Variants in CACNA1C observed in about 807,000 individuals in gnomAD.
CACNA1C encodes voltage-dependent L-type calcium channel subunit alpha-1C.
In CACNA1C, 30 loss-of-function variants were observed where a neutral mutation model predicts 229.0. That is an observed-to-expected ratio of 0.13 (90% CI 0.10 to 0.18). The LOEUF (loss-of-function observed/expected upper bound fraction) is 0.18, where lower values mean the gene tolerates loss of function less well. Ranked by LOEUF, CACNA1C falls within the 10% of genes least tolerant of loss-of-function variation. The pLI is 1.00. For synonymous variants in CACNA1C, 1,114 were observed against 1,132.5 expected (o/e 0.98, Z 0.33); for missense variants, 1,658 against 2,845.0 (o/e 0.58, Z 9.49).
At chr12:2,293,698 A>G (rs1291341486) in intron 3 of CACNA1C, among the ~76,000 whole-genome samples, 1 of 152,236 alleles carries the variant, frequency 6.6e-6, no homozygotes, top group East Asian at 1.9e-4. Flanking sequence ...AGCCTTCCAC[A>G]GTTTGACCTT....
rs181961040 is a variant in CACNA1C, at chr12:1,975,784, A to G, written c.139+4583A>G. Among the ~76,000 whole-genome samples, 402 of 152,280 alleles carry G rather than the reference A, an allele frequency of 2.6e-3. 3 individuals are homozygous for G. The highest frequency in any genetic ancestry group is 8.4e-3 in the African/African-American group (351 of 41,580). On this transcript the variant is annotated intron_variant, in intron 1 of 46. Coordinates refer to the CACNA1C transcript ENST00000682462. Reference sequence around the variant, plus strand: ...AAATCACCATATATGACTTTGCCACATGGGTTTTTCCTCACCTCAGCATGT... The same window carrying G: ...AAATCACCATATATGACTTTGCCACGTGGGTTTTTCCTCACCTCAGCATGT...
At position 2,632,310 on chromosome 12, in the gene CACNA1C, C is replaced by T. The variant is rs938285451; in HGVS notation, c.3829-1987C>T. The stretch of plus-strand genomic sequence containing the variant: ...GCTGGGGGTGTATGGGGACTATGAC[C>T]GCCTGTAGCTGGGGGTGTATGGGGA... On this transcript the variant is annotated intron_variant, in intron 29 of 46. Transcript: ENST00000399655. The surrounding 1 kb of genome is among the most constrained non-coding windows in gnomAD (Gnocchi z 4.1). Among the ~76,000 whole-genome samples, 70 of 151,758 alleles carry T rather than the reference C, an allele frequency of 4.6e-4. No homozygotes were observed. The highest frequency in any genetic ancestry group is 1.4e-3 in the African/African-American group (58 of 41,312).
At chr12:2,224,133 T>C (rs1008596915) in intron 3 of CACNA1C, among the ~76,000 whole-genome samples, 1 of 152,214 alleles carries the variant, frequency 6.6e-6, no homozygotes, top group African/African-American at 2.4e-5. Context: ...TGCCTGCTGA[T>C]TGGTTCCTGC....
At position 2,285,874 on chromosome 12, in the gene CACNA1C, C is replaced by T. The variant is rs1233639833; in HGVS notation, c.478-163102C>T. Reference sequence around the variant, plus strand: ...TACCACATGGATGGTAAAGTTCAGCCGTTTTCCACTGAAGATAGGGATTCT... The same window carrying T: ...TACCACATGGATGGTAAAGTTCAGCTGTTTTCCACTGAAGATAGGGATTCT... On this transcript the variant is annotated intron_variant, in intron 3 of 46. Coordinates refer to ENST00000399655, the MANE Select transcript of CACNA1C (RefSeq NM_000719.7). This position sits in a 1 kb window ranked among gnomAD's most constrained non-coding sequence, Gnocchi z 4.2. Among the ~76,000 whole-genome samples the T allele has an allele frequency of 5.3e-5, 8 of 152,132 alleles. No homozygotes were observed. The highest frequency in any genetic ancestry group is 1.2e-4 in the Non-Finnish European group (8 of 68,022).
chr12:2,572,043 T>C (rs986913850), intron 13 of CACNA1C, among the ~76,000 whole-genome samples: 1 of 150,948 alleles, frequency 6.6e-6, no homozygotes, highest in South Asian at 2.1e-4. Context: ...TTCTCTTTTT[T>C]TTTTTTTTTT....
intron 1 of CACNA1C, among the ~76,000 whole-genome samples, chr12:2,018,678 A>T (rs936862561): frequency 6.6e-6 from 1 of 152,244 alleles, no homozygotes; most frequent in Non-Finnish European, 1.5e-5. Context: ...CTTAATAAGC[A>T]CAACTCAACT....
At chr12:2,366,988 C>T (rs896247940) in intron 3 of CACNA1C, among the ~76,000 whole-genome samples, 5 of 152,112 alleles carry the variant, frequency 3.3e-5, no homozygotes, top group African/African-American at 9.7e-5. Flanking sequence ...AGGGGAAGTC[C>T]GCCCCATGAT....
chr12:2,456,074 C>T (rs1001642818), intron 4 of CACNA1C, among the ~76,000 whole-genome samples: 1 of 152,226 alleles, frequency 6.6e-6, no homozygotes, highest in Admixed American at 6.5e-5. Flanking sequence ...AGCAACAACT[C>T]AAACTTCAAG....
At chr12:2,525,874 A>T (rs539850309) in intron 9 of CACNA1C, among the ~76,000 whole-genome samples, 1 of 152,320 alleles carries the variant, frequency 6.6e-6, no homozygotes, top group East Asian at 1.9e-4. Context: ...CTGAACTGTT[A>T]ATCACCGTGA....
chr12:2,220,725 A>G (rs951109638), intron 3 of CACNA1C: 1 of 152,140 alleles, frequency 6.6e-6, no homozygotes, highest in Non-Finnish European at 1.5e-5. Context: ...TTAGCGCAAT[A>G]CTAAAATTAT....
At chr12:2,418,077 C>T (rs1055113577) in intron 3 of CACNA1C, among the ~76,000 whole-genome samples, 32 of 152,254 alleles carry the variant, frequency 2.1e-4, no homozygotes, top group African/African-American at 7.2e-4. Context: ...GATGAGGGAG[C>T]CGCTCCCTCT....
At chr12:2,556,470 C>T (rs1183337549) in intron 10 of CACNA1C, among the ~76,000 whole-genome samples, 1 of 152,316 alleles carries the variant, frequency 6.6e-6, no homozygotes, top group East Asian at 1.9e-4. Flanking sequence ...GCTGTTGTGG[C>T]CCCTCCATTT....
chr12:2,505,115 G>A (rs2099768687), intron 8 of CACNA1C, among the ~76,000 whole-genome samples, 170 bp downstream of exon 8: 1 of 152,062 alleles, frequency 6.6e-6, no homozygotes, highest in African/African-American at 2.4e-5. Context: ...GGTCAGATGT[G>A]CCACTGGTCT....
chr12:2,204,435 A>G (rs1337392971), intron 3 of CACNA1C, among the ~76,000 whole-genome samples: 1 of 151,780 alleles, frequency 6.6e-6, no homozygotes, highest in African/African-American at 2.4e-5. Flanking sequence ...CAGCCATCCC[A>G]TTACTGGATA....
chr12:2,647,623 C>G lies in CACNA1C; in HGVS notation c.3913-852C>G, dbSNP rs1035755268. Among the ~76,000 whole-genome samples the G allele has an allele frequency of 6.6e-6, 1 of 152,200 alleles. No individual in the cohort carries two copies. Among genetic ancestry groups the G allele is most frequent in the African/African-American group, 2.4e-5 (1 of 41,450 alleles). On this transcript the variant is annotated intron_variant, in intron 30 of 46. Coordinates refer to ENST00000399655, the MANE Select transcript of CACNA1C (RefSeq NM_000719.7). The surrounding 1 kb of genome is among the most constrained non-coding windows in gnomAD (Gnocchi z 4.2). ...AGCCCCATTATGGAGTGGGTTGAGG[C>G]CACCTCTGGAGGCCCTCCTCAGTGT...
At chr12:2,089,986 G>A (rs1473271796) in intron 1 of CACNA1C, among the ~76,000 whole-genome samples, 7 of 152,102 alleles carry the variant, frequency 4.6e-5, no homozygotes, top group East Asian at 3.9e-4. Flanking sequence ...CTGCGATCAT[G>A]CCATTGCACT....
At chr12:2,040,681 G>A (rs1244280512) in intron 1 of CACNA1C, among the ~76,000 whole-genome samples, 1 of 152,222 alleles carries the variant, frequency 6.6e-6, no homozygotes, top group Admixed American at 6.5e-5. Flanking sequence ...GGTTGGAATT[G>A]TGGTTAATGA....
rs1034576743 is a variant in CACNA1C, at chr12:2,653,443, G to A, written c.4075-392G>A. On this transcript the variant is annotated intron_variant, in intron 32 of 46. Coordinates refer to ENST00000399655, the MANE Select transcript of CACNA1C (RefSeq NM_000719.7). This position sits in a 1 kb window ranked among gnomAD's most constrained non-coding sequence, Gnocchi z 4.7. ...GATGGAATTAAGCTGTGTAAAGAAA[G>A]GGTGTAACTTGCCACCACCCCACTC... Among the ~76,000 whole-genome samples the A allele has an allele frequency of 2.6e-5, 4 of 152,162 alleles. No individual in the cohort carries two copies. The highest frequency in any genetic ancestry group is 6.5e-5 in the Admixed American group (1 of 15,272).
At position 2,546,236 on chromosome 12, in the gene CACNA1C, G is replaced by T. The variant is rs577503207; in HGVS notation, c.1391-3707G>T. 3.3e-4 allele frequency among the ~76,000 whole-genome samples: 50 copies of T among 152,250 alleles called. No individual in the cohort carries two copies. In the South Asian group the frequency reaches 0.01, roughly 31 times the overall value. ...TGGTGTCTTCACACTATTCTGTGCA[G>T]TTGCTGGTGTCTTCATACTATTCTG... is the stretch of plus-strand genomic sequence containing the variant. On this transcript the variant is annotated intron_variant, in intron 9 of 46. Transcript: ENST00000399655.
Sources: gnomAD v4.1 joint callset for allele counts (sites outside exome capture counted in the v4.1 genomes callset) on GRCh38, gnomAD v4.1.1 for gene constraint, Gnocchi (gnomAD v3.1) non-coding constraint, MANE v1.5 for transcripts, NCBI Gene and HGNC (gene_info 2026-07-23, HGNC 2026-07-21) for gene names.